Variants in IMMP2L observed in about 807,000 individuals in gnomAD.
IMMP2L encodes the protein inner mitochondrial membrane peptidase subunit 2, also known as mitochondrial inner membrane protease subunit 2.
Under a neutral mutation model 19.3 loss-of-function variants are expected in IMMP2L, and 18 were observed. The observed-to-expected ratio is 0.93, with a 90% CI of 0.64 to 1.38. The LOEUF (loss-of-function observed/expected upper bound fraction) is 1.38, where lower values mean the gene tolerates loss of function less well. IMMP2L is among the 40% of genes most tolerant of loss of function. The probability of loss-of-function intolerance (pLI) is 0.00; values close to 1 mark genes in which losing one functional copy is unlikely to be tolerated. For missense variants in IMMP2L, 233 were observed against 218.2 expected (o/e 1.07, Z -0.43); for synonymous variants, 76 against 73.0 (o/e 1.04, Z -0.21).
intron 2 of IMMP2L, among the ~76,000 whole-genome samples, chr7:111,494,223 G>A (rs1203404788): frequency 6.6e-6 from 1 of 152,122 alleles, no homozygotes; most frequent in Non-Finnish European, 1.5e-5. Context: ...TAATCTAGGA[G>A]TTTCCACCTG....
chr7:111,191,457 C>T lies in IMMP2L; in HGVS notation c.240-227892G>A, dbSNP rs1176734132. On this transcript the variant is annotated intron_variant, in intron 3 of 5. Coordinates refer to ENST00000405709, the MANE Select transcript of IMMP2L (RefSeq NM_032549.4). The stretch of plus-strand genomic sequence containing the variant: ...ACACACACACACACACACACACACA[C>T]ACACACACACACACACAAAACTTAT... 2.6e-5 allele frequency among the ~76,000 whole-genome samples: 4 copies of T among 151,576 alleles called. No homozygotes were observed. The East Asian group carries it at 7.8e-4, about 29-fold the overall frequency.
At chr7:110,769,942 T>C (rs1798928312) in intron 5 of IMMP2L, among the ~76,000 whole-genome samples, 1 of 152,104 alleles carries the variant, frequency 6.6e-6, no homozygotes, top group South Asian at 2.1e-4. Context: ...AACCAACGGG[T>C]TGACTATCCG....
chr7:111,310,257 T>C (rs902123404), intron 3 of IMMP2L, among the ~76,000 whole-genome samples: 1 of 151,552 alleles, frequency 6.6e-6, no homozygotes, highest in Non-Finnish European at 1.5e-5. Flanking sequence ...TCTAAGACTT[T>C]TGAGTTCACA....
intron 3 of IMMP2L, among the ~76,000 whole-genome samples, chr7:111,308,733 G>T (rs564137509): frequency 6.6e-6 from 1 of 151,912 alleles, no homozygotes; most frequent in African/African-American, 2.4e-5. Context: ...GAGAAATTTT[G>T]GGGGAAAAAA....
At chr7:111,216,920 A>C (rs1426368666) in intron 3 of IMMP2L, among the ~76,000 whole-genome samples, 1 of 152,104 alleles carries the variant, frequency 6.6e-6, no homozygotes, top group Non-Finnish European at 1.5e-5. Context: ...GTGGGGGAAA[A>C]GAAAAAGAGA....
chr7:111,243,671 C>A lies in IMMP2L; in HGVS notation c.239+243567G>T, dbSNP rs1267730957. On this transcript the variant is annotated intron_variant, in intron 3 of 5. Transcript: ENST00000405709. ...CCCAATGCTATCCCTCCCCCCTCCCCCGACCCCACCACAGTCCCCAGAGTG... is the reference window on the plus strand; with the variant it reads ...CCCAATGCTATCCCTCCCCCCTCCCACGACCCCACCACAGTCCCCAGAGTG... Among the ~76,000 whole-genome samples the A allele has an allele frequency of 1.5e-3, 156 of 105,340 alleles. 1 individual carries two copies. The highest frequency in any genetic ancestry group is 4.7e-3 in the South Asian group (12 of 2,566). 69.1% of individuals were successfully genotyped at this position (105,340 alleles called of 152,430 possible).
At chr7:110,898,502 TTAAG>T (rs1811545894) in intron 4 of IMMP2L, among the ~76,000 whole-genome samples, 1 of 152,170 alleles carries the variant, frequency 6.6e-6, no homozygotes, top group Non-Finnish European at 1.5e-5. Context: ...TCACTTTTGT[TTAAG>T]TAATATACTA....
chr7:111,036,275 G>C (rs901340503), intron 3 of IMMP2L, among the ~76,000 whole-genome samples: 3 of 151,978 alleles, frequency 2.0e-5, no homozygotes, highest in Non-Finnish European at 2.9e-5. Flanking sequence ...TTAATGACAA[G>C]AGACGCACTG....
chr7:111,000,573 G>A (rs1255199321), intron 3 of IMMP2L, among the ~76,000 whole-genome samples: 1 of 152,210 alleles, frequency 6.6e-6, no homozygotes, highest in Non-Finnish European at 1.5e-5. Flanking sequence ...ATGGGGCGCA[G>A]TGGCTCACGC....
At chr7:111,005,165 T>C (rs1414912029) in intron 3 of IMMP2L, among the ~76,000 whole-genome samples, 1 of 152,132 alleles carries the variant, frequency 6.6e-6, no homozygotes, top group Non-Finnish European at 1.5e-5. Flanking sequence ...ACTCTGTTGG[T>C]TTCCAAGATG....
intron 3 of IMMP2L, among the ~76,000 whole-genome samples, chr7:111,335,751 T>C (rs1826335084): frequency 6.6e-6 from 1 of 152,172 alleles, no homozygotes; most frequent in Non-Finnish European, 1.5e-5. Flanking sequence ...TATTGTGACA[T>C]GATGACATTT....
At chr7:111,018,120 A>C (rs1440499708) in intron 3 of IMMP2L, among the ~76,000 whole-genome samples, 1 of 152,114 alleles carries the variant, frequency 6.6e-6, no homozygotes, top group Non-Finnish European at 1.5e-5. Context: ...TTATTCTACT[A>C]TTATTTGAAC....
chr7:110,829,651 T>A (rs1238043979), intron 5 of IMMP2L, among the ~76,000 whole-genome samples: 1 of 152,180 alleles, frequency 6.6e-6, no homozygotes, highest in African/African-American at 2.4e-5. Context: ...TTCAAAGTAC[T>A]AAATGGCATG....
Position 110,693,133 on chromosome 7 carries a change from G to C in IMMP2L, c.409-29412C>G, listed in dbSNP as rs140205996. ...TCATATAACAAAGAACTGAAGTTCC[G>C]TTTGAGACAAAGAATGAAAATCAAG... On this transcript the variant is annotated intron_variant, in intron 5 of 5. Transcript: ENST00000405709. Among the ~76,000 whole-genome samples, 350 of 152,262 alleles carry C rather than the reference G, an allele frequency of 2.3e-3. 1 individual carries two copies. Among genetic ancestry groups the C allele is most frequent in the African/African-American group, 8.1e-3 (337 of 41,558 alleles).
intron 3 of IMMP2L, among the ~76,000 whole-genome samples, chr7:111,346,082 C>A (rs1827510659): frequency 6.6e-6 from 1 of 152,124 alleles, no homozygotes; most frequent in African/African-American, 2.4e-5. Flanking sequence ...AATATGTTGT[C>A]ATTGCTATAT....
intron 5 of IMMP2L, among the ~76,000 whole-genome samples, chr7:110,813,149 G>C (rs562678098): frequency 1.2e-4 from 18 of 152,082 alleles, no homozygotes; most frequent in Non-Finnish European, 2.6e-4. Flanking sequence ...AAAGGATATA[G>C]AATGGAAAGA....
At chr7:110,777,733 T>A (rs544717122) in intron 5 of IMMP2L, among the ~76,000 whole-genome samples, 1 of 152,024 alleles carries the variant, frequency 6.6e-6, no homozygotes, top group African/African-American at 2.4e-5. Flanking sequence ...AGATCCACTA[T>A]ATCAAAATTT....
chr7:111,292,562 G>T (rs1343853281), intron 3 of IMMP2L, among the ~76,000 whole-genome samples: 1 of 151,776 alleles, frequency 6.6e-6, no homozygotes, highest in Admixed American at 6.6e-5. Flanking sequence ...TCCTAGCCTG[G>T]TTCAAAGAAA....
chr7:110,981,699 T>C (rs1442863956), intron 3 of IMMP2L, among the ~76,000 whole-genome samples: 1 of 152,126 alleles, frequency 6.6e-6, no homozygotes, highest in African/African-American at 2.4e-5. Context: ...TGAGGAAATA[T>C]ATCTACCTTT....
Sources: allele counts gnomAD v4.1 joint callset (sites outside exome capture counted in the v4.1 genomes callset), GRCh38; gene constraint gnomAD v4.1.1; transcripts MANE v1.5; gene names NCBI Gene and HGNC (gene_info 2026-07-23, HGNC 2026-07-21).